TASOR2: variants seen among roughly 807,000 people sequenced by gnomAD.
TASOR2 encodes protein TASOR 2.
TASOR2 carries 84 observed loss-of-function variants against 199.5 expected under a neutral mutation model. That is an observed-to-expected ratio of 0.42 (90% CI 0.35 to 0.50). TASOR2 has a LOEUF of 0.50. TASOR2 is among the 20% of genes least tolerant of loss of function. TASOR2 has a pLI of 0.02. For synonymous variants in TASOR2, 1,103 were observed against 1,046.6 expected, an observed-to-expected ratio of 1.05 and a Z score of -1.04; for missense variants, 2,796 against 2,835.9, an observed-to-expected ratio of 0.99 and a Z score of 0.32.
chr10:5,695,251 T>G (rs1333779565), intron 1 of TASOR2, among the ~76,000 whole-genome samples: 2 of 152,230 alleles, frequency 1.3e-5, no homozygotes, highest in Non-Finnish European at 2.9e-5. Context: ...CCTGCCGTGA[T>G]ATTGCTTGGC....
chr10:5,761,367 A>G, exon 19 of TASOR2: 2 of 1,614,074 alleles, frequency 1.2e-6, no homozygotes, highest in Non-Finnish European at 1.7e-6. Flanking sequence ...TTGCTTCATT[A>G]TCACCAGTGT....
chr10:5,742,127 G>A lies in TASOR2; in HGVS notation c.2358G>A (p.Val786=). 1 of 1,614,080 alleles carries A rather than the reference G, an allele frequency of 6.2e-7. No individual in the cohort carries two copies. The change falls in exon 14 of 21, where the codon GTG becomes GTA. Residue 786 remains valine, a synonymous_variant. Coordinates refer to ENST00000328090, the Ensembl canonical transcript of TASOR2. This position sits in a 1 kb window ranked among gnomAD's most constrained non-coding sequence, Gnocchi z 4.2. ...GGAATACTGATTTGCCTGATAATGT[G>A]GAAGAAGTGAAGCTTTTACTTCATA...
chr10:5,700,760 C>G (rs540974193), intron 1 of TASOR2, among the ~76,000 whole-genome samples: 1 of 150,256 alleles, frequency 6.7e-6, no homozygotes, highest in Non-Finnish European at 1.5e-5. Context: ...GATCTTTTGC[C>G]TGTTTTTTAA....
chr10:5,716,611 G>A (rs1381278428), intron 2 of TASOR2, among the ~76,000 whole-genome samples: 2 of 151,966 alleles, frequency 1.3e-5, no homozygotes, highest in Non-Finnish European at 2.9e-5. Flanking sequence ...CCGAAGTTTA[G>A]CAGATAATAT....
Position 5,730,345 on chromosome 10 carries a change from T to A in TASOR2, c.488-142T>A. 1 of 611,310 alleles carries A rather than the reference T, an allele frequency of 1.6e-6. No homozygotes were observed. The highest frequency in any genetic ancestry group is 2.4e-5 in the South Asian group (1 of 42,424). 37.9% of individuals were successfully genotyped at this position (611,310 alleles called of 1,614,324 possible). ...TTAAATGTACCTCTAAGTCTTCTAT[T>A]AATTGCCATTTAGGTTGTCATTTGA... On this transcript the variant is annotated intron_variant, in intron 10 of 20. Coordinates refer to ENST00000328090, the Ensembl canonical transcript of TASOR2. The surrounding 1 kb of genome is among the most constrained non-coding windows in gnomAD (Gnocchi z 4.1).
rs774718181 is a variant in TASOR2, at chr10:5,762,657, T to C, written c.7289+11T>C. The stretch of plus-strand genomic sequence containing the variant: ...TAGGAGTAGCTATTGGTAAGAACAC[T>C]TTTTATGTAACTTTCCCATGTGAGT... On this transcript the variant is annotated intron_variant, in intron 20 of 20. Coordinates refer to ENST00000328090, the Ensembl canonical transcript of TASOR2. 1.1e-5 allele frequency: 13 copies of C among 1,222,852 alleles called. No individual in the cohort carries two copies. Among genetic ancestry groups the C allele is most frequent in the Non-Finnish European group, 1.5e-5 (13 of 853,654 alleles). The allele number at this position is 1,222,852 out of a possible 1,614,324, so 75.8% of individuals were successfully genotyped here.
At chr10:5,718,903 T>G (rs1833005370) in intron 3 of TASOR2, among the ~76,000 whole-genome samples, 1 of 152,166 alleles carries the variant, frequency 6.6e-6, no homozygotes, top group East Asian at 1.9e-4. Context: ...AAGCATTTCG[T>G]TTTTTACTTA....
In TASOR2 at chr10:5,687,906, T is replaced by A. The variant is rs1835969551; in HGVS notation, c.-288+2731T>A. On this transcript the variant is annotated intron_variant, in intron 1 of 20. Coordinates refer to ENST00000328090, the Ensembl canonical transcript of TASOR2. The surrounding 1 kb of genome is among the most constrained non-coding windows in gnomAD (Gnocchi z 4.8). ...TATTAGATATTAAAACTGATAAATT[T>A]GAAATGTATGTTTATTTATTGGTAC... 6.6e-6 allele frequency among the ~76,000 whole-genome samples: 1 copy of A among 152,256 alleles called. No homozygotes were observed. The highest frequency in any genetic ancestry group is 1.5e-5 in the Non-Finnish European group (1 of 68,042).
chr10:5,732,208 A>G (rs1834915188), intron 11 of TASOR2, among the ~76,000 whole-genome samples: 1 of 152,254 alleles, frequency 6.6e-6, no homozygotes. Flanking sequence ...GTTTAGAGTC[A>G]TCTCAAATTG....
chr10:5,754,029 G>C lies in TASOR2; in HGVS notation c.6607-2584G>C, dbSNP rs1228081984. ...TCCATCTTCTCAAAAAGCAACAGAG[G>C]GTGCAGTGCTCATGCCTGTAATCCC... On this transcript the variant is annotated intron_variant, in intron 15 of 20. Transcript: ENST00000328090. This position sits in a 1 kb window ranked among gnomAD's most constrained non-coding sequence, Gnocchi z 4.3. 1.3e-5 allele frequency among the ~76,000 whole-genome samples: 2 copies of C among 152,140 alleles called. No individual in the cohort carries two copies. The highest frequency in any genetic ancestry group is 2.9e-5 in the Non-Finnish European group (2 of 68,028).
chr10:5,736,333 G>A lies in TASOR2; in HGVS notation c.1447+787G>A, dbSNP rs569422876. 4.6e-5 allele frequency among the ~76,000 whole-genome samples: 7 copies of A among 152,074 alleles called. No homozygotes were observed. The East Asian group carries it at 5.8e-4, about 13-fold the overall frequency. ...CTCGGGAGGCTGAGGCAGGAGAATC[G>A]CTTGAACCTGGGGGGCAGAGGTTGT... On this transcript the variant is annotated intron_variant, in intron 12 of 20. Transcript: ENST00000328090.
At chr10:5,712,420 G>A in intron 1 of TASOR2, 1 of 1,231,590 alleles carries the variant, frequency 8.1e-7, no homozygotes, top group East Asian at 3.2e-5. Context: ...CTTGAGTTCA[G>A]ACTCTCTCTT....
chr10:5,692,395 A>C (rs9423936), intron 1 of TASOR2, among the ~76,000 whole-genome samples: 43,847 of 151,894 alleles, frequency 0.29, 6,502 homozygotes, highest in South Asian at 0.35. Flanking sequence ...AGGACACTTA[A>C]GGAAATTGGA....
intron 11 of TASOR2, among the ~76,000 whole-genome samples, chr10:5,733,004 T>C (rs934267385): frequency 1.3e-5 from 2 of 152,230 alleles, no homozygotes. Flanking sequence ...CCAACCATAC[T>C]GTTCTGCATG....
rs1320440624 is a variant in TASOR2 at position 5,698,036 on chromosome 10, C to G, written c.-288+12861C>G. Among the ~76,000 whole-genome samples the G allele has an allele frequency of 6.6e-6, 1 of 152,072 alleles. No individual in the cohort carries two copies. ...CACCACTACCAATTGCATTATTGACCCTAGTGCTTTACTTTTCCTTATGTT... is the reference window on the plus strand; with the variant it reads ...CACCACTACCAATTGCATTATTGACGCTAGTGCTTTACTTTTCCTTATGTT... On this transcript the variant is annotated intron_variant, in intron 1 of 20. Transcript: ENST00000328090. This position sits in a 1 kb window ranked among gnomAD's most constrained non-coding sequence, Gnocchi z 4.4.
At chr10:5,717,337 C>G (rs1832786986) in intron 2 of TASOR2, among the ~76,000 whole-genome samples, 1 of 152,130 alleles carries the variant, frequency 6.6e-6, no homozygotes, top group Non-Finnish European at 1.5e-5. Context: ...GTCTTTGTGT[C>G]TGTGACCCAG....
rs958587818 is a variant in TASOR2 at position 5,740,924 on chromosome 10, A to T, written c.2327+427A>T. Among the ~76,000 whole-genome samples the T allele has an allele frequency of 6.6e-6, 1 of 152,242 alleles. No individual in the cohort carries two copies. The highest frequency in any genetic ancestry group is 2.4e-5 in the African/African-American group (1 of 41,462). On this transcript the variant is annotated intron_variant, in intron 13 of 20. Coordinates refer to ENST00000328090, the Ensembl canonical transcript of TASOR2. The surrounding 1 kb of genome is among the most constrained non-coding windows in gnomAD (Gnocchi z 5.3). ...GATTGATAGGAGTAAGCAGTTTCAC[A>T]TAAGATTGTTCTATAGATCTCCCTT...
chr10:5,733,206 T>C (rs777142007), intron 11 of TASOR2, among the ~76,000 whole-genome samples: 1 of 152,170 alleles, frequency 6.6e-6, no homozygotes, highest in Non-Finnish European at 1.5e-5. Context: ...CCTTCTATTC[T>C]GTTTCATTTA....
chr10:5,738,155 A>T lies in TASOR2; in HGVS notation c.1448-1463A>T, dbSNP rs555431099. Among the ~76,000 whole-genome samples the T allele has an allele frequency of 1.3e-5, 2 of 152,148 alleles. No homozygotes were observed. The highest frequency in any genetic ancestry group is 6.5e-5 in the Admixed American group (1 of 15,298). On this transcript the variant is annotated intron_variant, in intron 12 of 20. Coordinates refer to ENST00000328090, the Ensembl canonical transcript of TASOR2. This position sits in a 1 kb window ranked among gnomAD's most constrained non-coding sequence, Gnocchi z 4.7. ...ACAGTCCTTTTGTTAATGAAACATGATTTTCTGTCCTTTTTATTCACTGAA... is the reference window on the plus strand; with the variant it reads ...ACAGTCCTTTTGTTAATGAAACATGTTTTTCTGTCCTTTTTATTCACTGAA...
Sources: allele counts gnomAD v4.1 joint callset (sites outside exome capture counted in the v4.1 genomes callset), GRCh38; gene constraint gnomAD v4.1.1; non-coding constraint Gnocchi (gnomAD v3.1); transcripts MANE v1.5; gene names NCBI Gene and HGNC (gene_info 2026-07-23, HGNC 2026-07-21).